TSC22D2: variants seen among roughly 807,000 people sequenced by gnomAD.
TSC22D2 encodes the protein TSC22 domain family protein 2.
Under a neutral mutation model 50.1 loss-of-function variants are expected in TSC22D2, and 5 were observed. The ratio of observed to expected loss-of-function variants is 0.10; its 90% CI spans 0.05 to 0.21. TSC22D2 has a LOEUF of 0.21. TSC22D2 is among the 10% of genes least tolerant of loss of function. The probability of loss-of-function intolerance (pLI) is 1.00; values close to 1 mark genes in which losing one functional copy is unlikely to be tolerated. For synonymous variants in TSC22D2, 501 were observed against 450.1 expected (o/e 1.11, Z -1.43); for missense variants, 1,003 against 1,015.5 (o/e 0.99, Z 0.17).
At chr3:150,449,503 C>T (rs1720978416) in intron 1 of TSC22D2, among the ~76,000 whole-genome samples, 1 of 152,040 alleles carries the variant, frequency 6.6e-6, no homozygotes, top group South Asian at 2.1e-4. Context: ...GTATTGTGCA[C>T]ACATCTGTAC....
rs1559854535 is a variant in TSC22D2, at chr3:150,461,856, A to ATT, written c.*3220_*3221insTT. 1.3e-5 allele frequency: 2 copies of ATT among 150,976 alleles called. No homozygotes were observed. Among genetic ancestry groups the ATT allele is most frequent in the Non-Finnish European group, 3.0e-5 (2 of 67,510 alleles). The allele number at this position is 150,976 out of a possible 1,614,324, so 9.4% of individuals were successfully genotyped here. ...AGTAATTCATGGACCTTTTTTTAAA[A>ATT]AAAAAAAAAGTCTTAATAGAACCAG... On this transcript the variant is annotated 3_prime_UTR_variant, in exon 3 of 3. Transcript: ENST00000688009.
chr3:150,408,565 G>C lies in TSC22D2; in HGVS notation c.-786G>C, dbSNP rs982045692. ...CTGAGAGAAGCCGCGAGGGGAGGCC[G>C]AGACCGCCGTCGCCGCCCGCCCGCA... On this transcript the variant is annotated 5_prime_UTR_variant, in exon 1 of 3. Transcript: ENST00000688009. 1 of 152,388 alleles carries C rather than the reference G, an allele frequency of 6.6e-6. No individual in the cohort carries two copies. Among genetic ancestry groups the C allele is most frequent in the Non-Finnish European group, 1.5e-5 (1 of 68,316 alleles). The allele number at this position is 152,388 out of a possible 1,614,324, so 9.4% of individuals were successfully genotyped here.
At chr3:150,458,068 C>T (rs936698465) in intron 2 of TSC22D2, among the ~76,000 whole-genome samples, 1 of 151,826 alleles carries the variant, frequency 6.6e-6, no homozygotes, top group Non-Finnish European at 1.5e-5. Flanking sequence ...TTCTCTTTAT[C>T]TACCATTTTA....
intron 1 of TSC22D2, among the ~76,000 whole-genome samples, chr3:150,420,323 C>A (rs1406809754): frequency 6.6e-6 from 1 of 152,184 alleles, no homozygotes; most frequent in Non-Finnish European, 1.5e-5. Flanking sequence ...TGGATAACAT[C>A]CCAGTTATAG....
rs1278018765 is a variant in TSC22D2 at position 150,465,017 on chromosome 3, A to G, written c.*6381A>G. 1 of 152,210 alleles carries G rather than the reference A, an allele frequency of 6.6e-6. No homozygotes were observed. The allele number at this position is 152,210 out of a possible 1,614,324, so 9.4% of individuals were successfully genotyped here. A position where few individuals can be genotyped will look rare whatever the true frequency, so the allele number is the denominator to read the frequency against. On this transcript the variant is annotated 3_prime_UTR_variant, in exon 3 of 3. Transcript: ENST00000688009. ...AGAATAACTCAGGTGACTGATACCA[A>G]AAATAAATCTCTAATACAGCTGAGA... is the stretch of plus-strand genomic sequence containing the variant.
At chr3:150,431,198 C>CTGGGTGACAGAGTGAG (rs1160819993) in intron 1 of TSC22D2, among the ~76,000 whole-genome samples, 1 of 117,844 alleles carries the variant, frequency 8.5e-6, no homozygotes, top group Non-Finnish European at 1.6e-5. Flanking sequence ...GCACTCCAGC[C>CTGGGTGACAGAGTGAG]TGGGTGACAG....
At chr3:150,443,994 A>G (rs1720799125) in intron 1 of TSC22D2, among the ~76,000 whole-genome samples, 1 of 152,186 alleles carries the variant, frequency 6.6e-6, no homozygotes. Flanking sequence ...TGGCAGCAGT[A>G]ACCTGGAAAT....
chr3:150,458,282 C>G, intron 2 of TSC22D2, 94 bp from the exon 3 acceptor site: 1 of 1,285,982 alleles, frequency 7.8e-7, no homozygotes, highest in Middle Eastern at 2.8e-4. Context: ...AGCAGGAAAA[C>G]TAGTATAAAA....
intron 1 of TSC22D2, chr3:150,423,110 C>T (rs1720069868): frequency 6.2e-7 from 1 of 1,612,386 alleles, no homozygotes; most frequent in Non-Finnish European, 8.5e-7. Flanking sequence ...ATCAAAGAGC[C>T]TCTGGGATAG....
In TSC22D2 at chr3:150,409,936, A is replaced by G. The variant is rs761143417; in HGVS notation, c.586A>G (p.Thr196Ala). ...YERDSDSSVL[T>A]RSGDCIRHSS... ...GAGGGATTCAGACAGCAGCGTCCTG[A>G]CTAGATCCGGGGATTGCATTAGACA... The change falls in exon 1 of 3, where the codon ACT becomes GCT. Residue 196 changes from threonine (T) to alanine (A), a missense_variant. This residue lies in a region of TSC22D2 where 696 missense variants were observed against 647.8 expected (regional missense o/e 1.07). Transcript: ENST00000688009. The surrounding 1 kb of genome is among the most constrained non-coding windows in gnomAD (Gnocchi z 7.4). 1.2e-5 allele frequency: 20 copies of G among 1,613,966 alleles called. No homozygotes were observed. The East Asian group carries it at 4.2e-4, about 34-fold the overall frequency.
At chr3:150,423,992 G>A (rs1275008151) in intron 1 of TSC22D2, among the ~76,000 whole-genome samples, 1 of 152,132 alleles carries the variant, frequency 6.6e-6, no homozygotes, top group Non-Finnish European at 1.5e-5. Context: ...TTAGAAAAGA[G>A]TATTGCTAAG....
chr3:150,458,311 C>T (rs755676267), intron 2 of TSC22D2, 65 bp from the exon 3 acceptor site: 2 of 1,529,044 alleles, frequency 1.3e-6, no homozygotes, highest in South Asian at 1.3e-5. Flanking sequence ...CCAAGTAGGC[C>T]AGAACCAGAT....
chr3:150,452,972 A>G (rs112016272), intron 1 of TSC22D2, among the ~76,000 whole-genome samples: 6 of 152,330 alleles, frequency 3.9e-5, no homozygotes, highest in Admixed American at 2.6e-4. Context: ...GTTTACCATA[A>G]TAGTTTAAAA....
chr3:150,438,103 C>A, intron 1 of TSC22D2: 1 of 244,030 alleles, frequency 4.1e-6, no homozygotes, highest in African/African-American at 2.2e-5. Flanking sequence ...TACAAAATAT[C>A]AGTTGTATAA....
rs1385952313 is a variant in TSC22D2 at position 150,409,959 on chromosome 3, A to G, written c.609A>G (p.Arg203=). 1 of 1,613,814 alleles carries G rather than the reference A, an allele frequency of 6.2e-7. No individual in the cohort carries two copies. The highest frequency in any genetic ancestry group is 8.5e-7 in the Non-Finnish European group (1 of 1,180,028). Residue 203 remains arginine, a synonymous_variant, in exon 1 of 3, where the codon AGA becomes AGG. Coordinates refer to ENST00000688009, the MANE Select transcript of TSC22D2 (RefSeq NM_001303264.2). The surrounding 1 kb of genome is among the most constrained non-coding windows in gnomAD (Gnocchi z 7.4). ...SVLTRSGDCI[R]HSSTFDQTAE... is the part of the protein sequence containing the mutation. ...TGACTAGATCCGGGGATTGCATTAG[A>G]CACAGCAGTACTTTTGACCAGACTG...
chr3:150,422,485 A>G (rs994914613), intron 1 of TSC22D2, among the ~76,000 whole-genome samples: 1 of 152,160 alleles, frequency 6.6e-6, no homozygotes, highest in Admixed American at 6.5e-5. Flanking sequence ...TTGCAGCGCC[A>G]TTTTTTGCCC....
rs1370535975 is a variant in TSC22D2 at position 150,466,019 on chromosome 3, C to T, written c.*7383C>T. The T allele has an allele frequency of 6.6e-6, 1 of 152,096 alleles. No individual in the cohort carries two copies. The highest frequency in any genetic ancestry group is 1.5e-5 in the Non-Finnish European group (1 of 68,006). The allele number at this position is 152,096 out of a possible 1,614,324, so 9.4% of individuals were successfully genotyped here. ...ATGAAATTGGAAAAACCAAAATACTCATCAAGAGGATGGACTATGGTACAC... is the reference window on the plus strand; with the variant it reads ...ATGAAATTGGAAAAACCAAAATACTTATCAAGAGGATGGACTATGGTACAC... On this transcript the variant is annotated 3_prime_UTR_variant, in exon 3 of 3. Transcript: ENST00000688009.
intron 1 of TSC22D2, among the ~76,000 whole-genome samples, chr3:150,449,686 CATT>C (rs1414958474): frequency 1.3e-5 from 2 of 151,970 alleles, no homozygotes; most frequent in African/African-American, 4.8e-5. Context: ...GCCTTGTTAA[CATT>C]ATTTGCTATG....
At chr3:150,457,808 G>A (rs916957498) in intron 2 of TSC22D2, among the ~76,000 whole-genome samples, 52 of 151,594 alleles carry the variant, frequency 3.4e-4, no homozygotes, top group African/African-American at 1.2e-3. Context: ...GCTAATTTTT[G>A]TATTCTTAGT....
Sources: allele counts gnomAD v4.1 joint callset (sites outside exome capture counted in the v4.1 genomes callset), GRCh38; gene constraint gnomAD v4.1.1; regional missense constraint gnomAD v4.1.1; non-coding constraint Gnocchi (gnomAD v3.1); transcripts MANE v1.5; gene names NCBI Gene and HGNC (gene_info 2026-07-23, HGNC 2026-07-21).